EXOC6: variants seen among roughly 807,000 people sequenced by gnomAD.
The protein encoded by EXOC6 is SEC15-like 1.
In EXOC6, 60 loss-of-function variants were observed where a neutral mutation model predicts 112.5. The observed-to-expected ratio is 0.53, with a 90% CI of 0.43 to 0.66. The LOEUF (loss-of-function observed/expected upper bound fraction) is 0.66, where lower values mean the gene tolerates loss of function less well. Among genes scored for constraint, EXOC6 ranks in the 30% least tolerant of loss-of-function variants. The pLI, the probability that EXOC6 is intolerant of heterozygous loss-of-function variation, is 0.00. For missense variants in EXOC6, 855 were observed against 957.1 expected (o/e 0.89, Z 1.41); for synonymous variants, 295 against 308.0 (o/e 0.96, Z 0.44).
At chr10:92,865,723 C>T (rs868517929) in intron 1 of EXOC6, among the ~76,000 whole-genome samples, 3 of 151,882 alleles carry the variant, frequency 2.0e-5, no homozygotes, top group South Asian at 4.2e-4. Flanking sequence ...CTGGCCTGGC[C>T]GAGTATCACT....
intron 20 of EXOC6, among the ~76,000 whole-genome samples, chr10:93,021,917 A>C (rs1455201860): frequency 6.6e-6 from 1 of 152,166 alleles, no homozygotes; most frequent in African/African-American, 2.4e-5. Flanking sequence ...CTAGTTTATA[A>C]TCTCATTGTA....
intron 17 of EXOC6, among the ~76,000 whole-genome samples, chr10:92,966,444 C>A (rs1268840652): frequency 4.5e-5 from 5 of 110,108 alleles, no homozygotes; most frequent in African/African-American, 1.4e-4. Context: ...CCCCTCCCCC[C>A]ACCCCACATC....
chr10:92,890,173 G>A (rs1035974439), intron 1 of EXOC6, among the ~76,000 whole-genome samples: 1 of 152,038 alleles, frequency 6.6e-6, no homozygotes, highest in East Asian at 1.9e-4. Context: ...TCCTCCTGTA[G>A]ATCTTGTGTA....
At chr10:92,875,700 A>C (rs1848658315) in intron 1 of EXOC6, among the ~76,000 whole-genome samples, 3 of 152,146 alleles carry the variant, frequency 2.0e-5, no homozygotes, top group Admixed American at 1.3e-4. Flanking sequence ...ACTAAAGGAT[A>C]ATCATTGTTG....
chr10:92,968,374 CAG>C (rs1040731239), intron 17 of EXOC6, among the ~76,000 whole-genome samples: 121 of 152,074 alleles, frequency 8.0e-4, no homozygotes, highest in African/African-American at 2.9e-3. Context: ...TTGGTAGAGA[CAG>C]AGTCTCACTA....
rs1324256665 is a variant in EXOC6 at position 92,974,036 on chromosome 10, A to AT, written c.1774-13dup. On this transcript the variant is annotated splice_polypyrimidine_tract_variant and intron_variant, in intron 17 of 21. Coordinates refer to ENST00000260762, the MANE Select transcript of EXOC6 (RefSeq NM_019053.6). ...TTATCTGTTTCTTGTCTTTGTTGTT[A>AT]TTTTGTCCCATGTCAGGATGCTCGA... 5 of 1,563,868 alleles carry AT rather than the reference A, an allele frequency of 3.2e-6. No homozygotes were observed. The highest frequency in any genetic ancestry group is 4.3e-6 in the Non-Finnish European group (5 of 1,160,502).
intron 17 of EXOC6, among the ~76,000 whole-genome samples, chr10:92,956,122 A>G (rs192195297): frequency 8.6e-4 from 131 of 152,242 alleles, no homozygotes; most frequent in South Asian, 2.1e-3. Flanking sequence ...AATAAATATT[A>G]TTACATGTCA....
chr10:93,043,525 A>G (rs1347740919), intron 20 of EXOC6, among the ~76,000 whole-genome samples: 1 of 152,178 alleles, frequency 6.6e-6, no homozygotes, highest in Non-Finnish European at 1.5e-5. Flanking sequence ...GTTTTTATGT[A>G]TTACAAAGAA....
At chr10:93,037,908 C>T (rs1003645977) in intron 20 of EXOC6, among the ~76,000 whole-genome samples, 11 of 150,914 alleles carry the variant, frequency 7.3e-5, no homozygotes, top group Middle Eastern at 3.4e-3. Flanking sequence ...GGCGCGGTGG[C>T]GGGCGCCCGT....
In EXOC6 at chr10:92,899,663, T is replaced by TA; in HGVS notation, c.458+20dup. On this transcript the variant is annotated intron_variant, in intron 5 of 21. Coordinates refer to ENST00000260762, the MANE Select transcript of EXOC6 (RefSeq NM_019053.6). Reference sequence around the variant, plus strand: ...CCAAAAGGTGAGTTGGTTTTTTTCCTATTGTTTTAAATAAGAATTTTTTTC... The same window carrying TA: ...CCAAAAGGTGAGTTGGTTTTTTTCCTAATTGTTTTAAATAAGAATTTTTTTC... 6.3e-7 allele frequency: 1 copy of TA among 1,592,946 alleles called. No homozygotes were observed. The highest frequency in any genetic ancestry group is 8.6e-7 in the Non-Finnish European group (1 of 1,164,042).
intron 1 of EXOC6, among the ~76,000 whole-genome samples, chr10:92,891,124 A>G (rs961497730): frequency 6.6e-6 from 1 of 152,184 alleles, no homozygotes; most frequent in Non-Finnish European, 1.5e-5. Flanking sequence ...TTGCCTGAGC[A>G]ACTAGAAAAG....
chr10:92,902,378 T>G (rs1481754648), intron 5 of EXOC6, among the ~76,000 whole-genome samples: 1 of 152,106 alleles, frequency 6.6e-6, no homozygotes, highest in African/African-American at 2.4e-5. Context: ...CTAATTTTCT[T>G]ATCTCTTCTT....
chr10:92,970,231 A>G (rs1842241249), intron 17 of EXOC6, among the ~76,000 whole-genome samples: 1 of 152,214 alleles, frequency 6.6e-6, no homozygotes, highest in African/African-American at 2.4e-5. Context: ...TCATAGATCA[A>G]AAATATTTGG....
At position 92,848,653 on chromosome 10, in the gene EXOC6, C is replaced by A; in HGVS notation, c.101+19C>A. ...CCCTCCGGTAAAGATCTCATCCCAC[C>A]GGGACTTCGGCCCCCCGCCCCACGC... On this transcript the variant is annotated intron_variant, in intron 1 of 21. Transcript: ENST00000260762. 7.4e-7 allele frequency: 1 copy of A among 1,349,952 alleles called. No homozygotes were observed. The highest frequency in any genetic ancestry group is 4.1e-5 in the East Asian group (1 of 24,374). 83.6% of individuals were successfully genotyped at this position (1,349,952 alleles called of 1,614,324 possible). A position where few individuals can be genotyped will look rare whatever the true frequency, so the allele number is the denominator to read the frequency against.
intron 20 of EXOC6, among the ~76,000 whole-genome samples, chr10:93,038,889 T>C (rs1245086144): frequency 6.6e-6 from 1 of 152,224 alleles, no homozygotes; most frequent in African/African-American, 2.4e-5. Context: ...CTCCGCACTT[T>C]AGGAAGTTAT....
At chr10:92,976,198 C>T (rs1297259322) in intron 18 of EXOC6, among the ~76,000 whole-genome samples, 4 of 151,990 alleles carry the variant, frequency 2.6e-5, no homozygotes, top group Non-Finnish European at 5.9e-5. Flanking sequence ...TGAGAACGGG[C>T]CATGATGACA....
intron 13 of EXOC6, among the ~76,000 whole-genome samples, chr10:92,943,994 T>C (rs930057582): frequency 6.6e-6 from 1 of 152,202 alleles, no homozygotes; most frequent in Non-Finnish European, 1.5e-5. Flanking sequence ...TAAGTGAGAT[T>C]ATGCAGTATT....
At chr10:92,948,722 T>G (rs1015878369) in intron 14 of EXOC6, among the ~76,000 whole-genome samples, 19 of 151,974 alleles carry the variant, frequency 1.3e-4, no homozygotes, top group Admixed American at 1.2e-3. Context: ...TAATGTTGGG[T>G]GGATTCCAAA....
chr10:92,841,335 C>T (rs1011140254), intron 1 of EXOC6, among the ~76,000 whole-genome samples: 9 of 152,168 alleles, frequency 5.9e-5, no homozygotes, highest in African/African-American at 2.2e-4. Context: ...CTGTGCCTGG[C>T]TTACAGTAAT....
Sources: gnomAD v4.1 joint callset for allele counts (sites outside exome capture counted in the v4.1 genomes callset) on GRCh38, gnomAD v4.1.1 for gene constraint, MANE v1.5 for transcripts, NCBI Gene and HGNC (gene_info 2026-07-23, HGNC 2026-07-21) for gene names.